Variants in PTPRQ observed in about 807,000 individuals in gnomAD.
PTPRQ encodes the protein protein tyrosine phosphatase receptor type Q.
PTPRQ carries 199 observed loss-of-function variants against 246.0 expected under a neutral mutation model. The observed-to-expected ratio is 0.81, with a 90% CI of 0.72 to 0.91. The LOEUF (loss-of-function observed/expected upper bound fraction) is 0.91. Among genes scored for constraint, PTPRQ ranks in the 40% least tolerant of loss-of-function variants. The pLI, the probability that PTPRQ is intolerant of heterozygous loss-of-function variation, is 0.00. For missense variants in PTPRQ, 2,624 were observed against 2,528.4 expected (o/e 1.04, Z -0.81); for synonymous variants, 869 against 853.2 (o/e 1.02, Z -0.32).
intron 35 of PTPRQ, among the ~76,000 whole-genome samples, chr12:80,635,732 C>G (rs1386744655): frequency 6.6e-6 from 1 of 151,914 alleles, no homozygotes; most frequent in Non-Finnish European, 1.5e-5. Context: ...AAAATGTTGG[C>G]ACATTATAAA....
At chr12:80,449,067 C>T (rs1892652603) in intron 3 of PTPRQ, among the ~76,000 whole-genome samples, 1 of 151,708 alleles carries the variant, frequency 6.6e-6, no homozygotes. Flanking sequence ...GATTGCCATT[C>T]TAACTGGTGT....
At chr12:80,623,052 A>G (rs1050044740) in intron 33 of PTPRQ, among the ~76,000 whole-genome samples, 1 of 152,110 alleles carries the variant, frequency 6.6e-6, no homozygotes, top group Non-Finnish European at 1.5e-5. Context: ...TTGCATGAAC[A>G]GGGTATTTCT....
At position 80,549,709 on chromosome 12, in the gene PTPRQ, C is replaced by T; in HGVS notation, c.4260C>T (p.Cys1420=). The T allele has an allele frequency of 4.5e-6, 7 of 1,550,122 alleles. No homozygotes were observed. Among genetic ancestry groups the T allele is most frequent in the Non-Finnish European group, 6.1e-6 (7 of 1,146,042 alleles). ...TSAGEGDEST[C]HVSTLPETVP... Reference sequence around the variant, plus strand: ...CTGGTGAAGGTGATGAAAGCACATGCCATGTCAGCACACTACCTGAAACAG... The same window carrying T: ...CTGGTGAAGGTGATGAAAGCACATGTCATGTCAGCACACTACCTGAAACAG... The change falls in exon 25 of 45, where the codon TGC becomes TGT. Residue 1420 remains cysteine, a synonymous_variant. Coordinates refer to ENST00000644991, the MANE Select transcript of PTPRQ (RefSeq NM_001145026.2).
At chr12:80,582,428 T>G (rs1265503766) in intron 25 of PTPRQ, among the ~76,000 whole-genome samples, 1 of 152,124 alleles carries the variant, frequency 6.6e-6, no homozygotes, top group East Asian at 1.9e-4. Context: ...TAACTCCCTG[T>G]GTGATGCTAT....
chr12:80,533,940 T>G, intron 17 of PTPRQ, 75 bp from the exon 18 acceptor site: 1 of 1,128,548 alleles, frequency 8.9e-7, no homozygotes, highest in Non-Finnish European at 1.2e-6. Flanking sequence ...TTGTTTACTT[T>G]TAATGTTAGT....
rs540771864 is a variant in PTPRQ, at chr12:80,563,368, C to G, written c.4285+13634C>G. On this transcript the variant is annotated intron_variant, in intron 25 of 44. Transcript: ENST00000644991. ...TCGTGATTACTGCCCTAATCCCACT[C>G]GTGAGGGCAGAGCCCTCATGAGCTA... Among the ~76,000 whole-genome samples the G allele has an allele frequency of 6.5e-4, 99 of 151,840 alleles. 1 individual carries two copies. In the South Asian group the frequency reaches 0.02, roughly 30 times the overall value.
intron 33 of PTPRQ, among the ~76,000 whole-genome samples, chr12:80,622,912 A>G (rs1481577516): frequency 6.6e-6 from 1 of 152,086 alleles, no homozygotes; most frequent in African/African-American, 2.4e-5. Flanking sequence ...TGGATAGGTT[A>G]TAATAAAATA....
At chr12:80,498,062 T>A (rs1273716587) in intron 14 of PTPRQ, among the ~76,000 whole-genome samples, 1 of 152,032 alleles carries the variant, frequency 6.6e-6, no homozygotes, top group Non-Finnish European at 1.5e-5. Context: ...AATAAGAAAG[T>A]AATGAAAGGA....
intron 35 of PTPRQ, among the ~76,000 whole-genome samples, chr12:80,642,481 T>A (rs1426926928): frequency 2.0e-5 from 3 of 152,198 alleles, no homozygotes; most frequent in Admixed American, 2.0e-4. Flanking sequence ...TTTCTTCAAA[T>A]GTGCTAATGT....
chr12:80,664,324 C>T (rs1201557840), intron 39 of PTPRQ, among the ~76,000 whole-genome samples: 1 of 151,944 alleles, frequency 6.6e-6, no homozygotes, highest in Non-Finnish European at 1.5e-5. Context: ...AAAACAAAAG[C>T]AATTAAAAGA....
chr12:80,519,246 T>G (rs1265835761), intron 17 of PTPRQ, among the ~76,000 whole-genome samples: 1 of 152,182 alleles, frequency 6.6e-6, no homozygotes, highest in Non-Finnish European at 1.5e-5. Flanking sequence ...TTTATTTTAC[T>G]TGTCTGAATC....
intron 18 of PTPRQ, 107 bp downstream of exon 18, chr12:80,534,282 T>G: frequency 8.5e-7 from 1 of 1,176,848 alleles, no homozygotes; most frequent in South Asian, 2.3e-5. Context: ...AGCCTAATAT[T>G]CATCATCAGT....
At position 80,495,901 on chromosome 12, in the gene PTPRQ, C is replaced by T. The variant is rs527926743; in HGVS notation, c.1883-98C>T. 1.8e-3 allele frequency: 2,363 copies of T among 1,343,678 alleles called. 15 individuals carry two copies. Among genetic ancestry groups the T allele is most frequent in the Non-Finnish European group, 1.1e-3 (1,116 of 997,636 alleles). 83.2% of individuals were successfully genotyped at this position (1,343,678 alleles called of 1,614,324 possible). On this transcript the variant is annotated intron_variant, in intron 12 of 44. Coordinates refer to ENST00000644991, the MANE Select transcript of PTPRQ (RefSeq NM_001145026.2). The stretch of plus-strand genomic sequence containing the variant: ...TTGGAAGCGATATAGATATCTAGTC[C>T]CCCGTATAAATTCTTCTTACTGGCC...
chr12:80,581,886 C>T (rs1254896842), intron 25 of PTPRQ, among the ~76,000 whole-genome samples: 1 of 151,958 alleles, frequency 6.6e-6, no homozygotes, highest in African/African-American at 2.4e-5. Flanking sequence ...GAATTTTTTC[C>T]CTCTGAAACT....
At chr12:80,507,656 G>A (rs767692926) in intron 16 of PTPRQ, among the ~76,000 whole-genome samples, 1 of 151,960 alleles carries the variant, frequency 6.6e-6, no homozygotes, top group Non-Finnish European at 1.5e-5. Flanking sequence ...AGGGCTGTCT[G>A]TGTTGCCCCA....
chr12:80,595,154 C>A (rs1429499325), intron 26 of PTPRQ, among the ~76,000 whole-genome samples: 1 of 152,066 alleles, frequency 6.6e-6, no homozygotes, highest in African/African-American at 2.4e-5. Flanking sequence ...TTTTGAGAAA[C>A]CTTTCAGAAA....
At chr12:80,662,042 C>G (rs1900650381) in intron 39 of PTPRQ, among the ~76,000 whole-genome samples, 1 of 151,876 alleles carries the variant, frequency 6.6e-6, no homozygotes, top group Non-Finnish European at 1.5e-5. Flanking sequence ...TTTCATTATT[C>G]AAACTTACTG....
intron 25 of PTPRQ, among the ~76,000 whole-genome samples, chr12:80,551,394 A>G (rs1435689131): frequency 6.6e-6 from 1 of 152,112 alleles, no homozygotes; most frequent in Non-Finnish European, 1.5e-5. Flanking sequence ...ACCATTGTAT[A>G]TTAGAGGGAC....
chr12:80,616,324 T>A (rs1207525023), intron 30 of PTPRQ, 58 bp downstream of exon 30: 3 of 1,415,080 alleles, frequency 2.1e-6, no homozygotes, highest in Non-Finnish European at 2.8e-6. Context: ...ATAATTTAAA[T>A]TCCATACTTG....
Sources: gnomAD v4.1 joint callset for allele counts (sites outside exome capture counted in the v4.1 genomes callset) on GRCh38, gnomAD v4.1.1 for gene constraint, MANE v1.5 for transcripts, NCBI Gene and HGNC (gene_info 2026-07-23, HGNC 2026-07-21) for gene names.